DOC2A: variants seen among roughly 807,000 people sequenced by gnomAD.
DOC2A encodes double C2 domain alpha.
Under a neutral mutation model 40.6 loss-of-function variants are expected in DOC2A, and 28 were observed. That is an observed-to-expected ratio of 0.69 (90% CI 0.51 to 0.95). The LOEUF is 0.95. Ranked by LOEUF, DOC2A falls within the 40% of genes least tolerant of loss-of-function variation. The pLI is 0.00. For synonymous variants in DOC2A, 241 were observed against 236.9 expected (o/e 1.02, Z -0.16); for missense variants, 474 against 552.5 (o/e 0.86, Z 1.42).
At chr16:30,008,876 G>A (rs572619913) in intron 5 of DOC2A, 120 bp downstream of exon 5, 84 of 747,554 alleles carry the variant, frequency 1.1e-4, no homozygotes, top group South Asian at 6.4e-4. Flanking sequence ...CTAGGGAGCC[G>A]CTGATGGTTC....
upstream of DOC2A, chr16:30,023,103 G>A (rs2070937925): frequency 9.4e-6 from 4 of 426,908 alleles, no homozygotes; most frequent in South Asian, 6.6e-5. Flanking sequence ...CAGCAAGATG[G>A]CCGTGCCGCA....
Position 30,009,841 on chromosome 16 carries a change from C to T in DOC2A, c.262+120G>A, listed in dbSNP as rs1175003609. 3.5e-6 allele frequency: 4 copies of T among 1,154,700 alleles called. No homozygotes were observed. Among genetic ancestry groups the T allele is most frequent in the Non-Finnish European group, 5.1e-6 (4 of 786,102 alleles). The allele number at this position is 1,154,700 out of a possible 1,614,324, so 71.5% of individuals were successfully genotyped here. ...CTGTGGTGGCCGTCCCTGCCACCCC[C>T]CCACTGCCCTCCTCCCCTACCTACA... is the stretch of plus-strand genomic sequence containing the variant. On this transcript the variant is annotated intron_variant, in intron 2 of 10. Transcript: ENST00000350119. The surrounding 1 kb of genome is among the most constrained non-coding windows in gnomAD (Gnocchi z 4.1).
chr16:30,009,892 C>G lies in DOC2A; in HGVS notation c.262+69G>C. 1.9e-6 allele frequency: 3 copies of G among 1,597,312 alleles called. No individual in the cohort carries two copies. Among genetic ancestry groups the G allele is most frequent in the Non-Finnish European group, 2.6e-6 (3 of 1,168,540 alleles). ...TGCACAGCCAGCAGGGCCCATCCCC[C>G]TCTCCCCCCACCACGGCAAGCCTGG... On this transcript the variant is annotated intron_variant, in intron 2 of 10. Transcript: ENST00000350119. The surrounding 1 kb of genome is among the most constrained non-coding windows in gnomAD (Gnocchi z 4.1).
At position 30,010,497 on chromosome 16, in the gene DOC2A, G is replaced by A; in HGVS notation, c.-13-262C>T. 1 of 566,880 alleles carries A rather than the reference G, an allele frequency of 1.8e-6. No individual in the cohort carries two copies. The highest frequency in any genetic ancestry group is 3.0e-5 in the East Asian group (1 of 33,156). 35.1% of individuals were successfully genotyped at this position (566,880 alleles called of 1,614,324 possible). Reference sequence around the variant, plus strand: ...CCCCGTCCTCACCCACCCACTTCTAGGTTGTCCCTGTATCATCTTGCCAGC... The same window carrying A: ...CCCCGTCCTCACCCACCCACTTCTAAGTTGTCCCTGTATCATCTTGCCAGC... On this transcript the variant is annotated intron_variant, in intron 1 of 10. Transcript: ENST00000350119. The surrounding 1 kb of genome is among the most constrained non-coding windows in gnomAD (Gnocchi z 4.2).
At chr16:30,012,992 AAAAC>A (rs555014803), upstream of DOC2A, among the ~76,000 whole-genome samples, 358 of 151,702 alleles carry the variant, frequency 2.4e-3, 4 homozygotes, top group East Asian at 7.0e-3. Flanking sequence ...ACTCAGTCTC[AAAAC>A]AAACAAACAA....
At position 30,010,500 on chromosome 16, in the gene DOC2A, T is replaced by A. The variant is rs1318679654; in HGVS notation, c.-13-265A>T. The stretch of plus-strand genomic sequence containing the variant: ...CGTCCTCACCCACCCACTTCTAGGT[T>A]GTCCCTGTATCATCTTGCCAGCTCC... On this transcript the variant is annotated intron_variant, in intron 1 of 10. Transcript: ENST00000350119. This position sits in a 1 kb window ranked among gnomAD's most constrained non-coding sequence, Gnocchi z 4.2. 4 of 558,402 alleles carry A rather than the reference T, an allele frequency of 7.2e-6. No individual in the cohort carries two copies. Among genetic ancestry groups the A allele is most frequent in the Admixed American group, 3.0e-5 (1 of 33,074 alleles). The allele number at this position is 558,402 out of a possible 1,614,324, so 34.6% of individuals were successfully genotyped here.
At chr16:30,017,156 GT>G (rs1227593735), upstream of DOC2A, among the ~76,000 whole-genome samples, 2 of 151,990 alleles carry the variant, frequency 1.3e-5, no homozygotes, top group Non-Finnish European at 2.9e-5. Flanking sequence ...GTGTGCACTT[GT>G]AGTCCCAGCT....
At position 30,009,468 on chromosome 16, in the gene DOC2A, G is replaced by A. The variant is rs1351141708; in HGVS notation, c.342+10C>T. 1 of 1,551,238 alleles carries A rather than the reference G, an allele frequency of 6.4e-7. No homozygotes were observed. Among genetic ancestry groups the A allele is most frequent in the Non-Finnish European group, 8.7e-7 (1 of 1,146,848 alleles). On this transcript the variant is annotated intron_variant, in intron 3 of 10. Coordinates refer to ENST00000350119, the MANE Select transcript of DOC2A (RefSeq NM_003586.3). This position sits in a 1 kb window ranked among gnomAD's most constrained non-coding sequence, Gnocchi z 4.1. Reference sequence around the variant, plus strand: ...ACCGGGCCCGGGCTTGGGTGGCAGGGAGTGCCCACCTTGGCCCTGAGGATG... The same window carrying A: ...ACCGGGCCCGGGCTTGGGTGGCAGGAAGTGCCCACCTTGGCCCTGAGGATG...
At position 30,010,991 on chromosome 16, in the gene DOC2A, T is replaced by C. The variant is rs2070763597; in HGVS notation, c.-102A>G. The C allele has an allele frequency of 3.0e-6, 3 of 995,698 alleles. No homozygotes were observed. The highest frequency in any genetic ancestry group is 4.0e-5 in the South Asian group (1 of 24,940). The allele number at this position is 995,698 out of a possible 1,614,324, so 61.7% of individuals were successfully genotyped here. On this transcript the variant is annotated 5_prime_UTR_variant, in exon 1 of 11. Coordinates refer to ENST00000350119, the MANE Select transcript of DOC2A (RefSeq NM_003586.3). This position sits in a 1 kb window ranked among gnomAD's most constrained non-coding sequence, Gnocchi z 4.2. ...CGGCGAGGAGAGCGCGGAGTCGAGC[T>C]GTGCGAGCCGAGAGGGAGGGAGCGC...
Position 30,006,618 on chromosome 16 carries a change from G to C in DOC2A, c.938C>G (p.Thr313Ser). Residue 313 changes from threonine (T) to serine (S), a missense_variant, in exon 9 of 11, where the codon ACT becomes AGT. Physicochemically the swap from Thr to Ser is moderately conservative, Grantham distance 58. Coordinates refer to ENST00000350119, the MANE Select transcript of DOC2A (RefSeq NM_003586.3). This position sits in a 1 kb window ranked among gnomAD's most constrained non-coding sequence, Gnocchi z 6.2. ...SKHKTCVKKK[T>S]LNPEFNEEFF... The stretch of plus-strand genomic sequence containing the variant: ...TACCTCGTTAAATTCTGGGTTGAGA[G>C]TCTTCTTCTTCACACACGTCTTATG... The C allele has an allele frequency of 6.2e-7, 1 of 1,613,686 alleles. No individual in the cohort carries two copies. The highest frequency in any genetic ancestry group is 8.5e-7 in the Non-Finnish European group (1 of 1,179,934).
Position 30,010,504 on chromosome 16 carries a change from C to T in DOC2A, c.-13-269G>A, listed in dbSNP as rs980224653. On this transcript the variant is annotated intron_variant, in intron 1 of 10. Coordinates refer to ENST00000350119, the MANE Select transcript of DOC2A (RefSeq NM_003586.3). The surrounding 1 kb of genome is among the most constrained non-coding windows in gnomAD (Gnocchi z 4.2). ...CTCACCCACCCACTTCTAGGTTGTC[C>T]CTGTATCATCTTGCCAGCTCCTTCC... is the stretch of plus-strand genomic sequence containing the variant. 121 of 552,886 alleles carry T rather than the reference C, an allele frequency of 2.2e-4. No homozygotes were observed. In the East Asian group the frequency reaches 3.6e-3, roughly 16 times the overall value. 34.2% of individuals were successfully genotyped at this position (552,886 alleles called of 1,614,324 possible).
At position 30,005,680 on chromosome 16, in the gene DOC2A, C is replaced by G; in HGVS notation, c.*506G>C. The G allele has an allele frequency of 1.8e-6, 1 of 556,044 alleles. No homozygotes were observed. Among genetic ancestry groups the G allele is most frequent in the South Asian group, 2.4e-5 (1 of 41,996 alleles). 34.4% of individuals were successfully genotyped at this position (556,044 alleles called of 1,614,324 possible). A position where few individuals can be genotyped will look rare whatever the true frequency, so the allele number is the denominator to read the frequency against. On this transcript the variant is annotated 3_prime_UTR_variant, in exon 11 of 11. Transcript: ENST00000350119. Reference sequence around the variant, plus strand: ...TATTTAAACGAGTGGCCGGGAGCATCTGCCACCTGCTGGGGAGGCAGAGAC... The same window carrying G: ...TATTTAAACGAGTGGCCGGGAGCATGTGCCACCTGCTGGGGAGGCAGAGAC...
In DOC2A at chr16:30,009,302, C is replaced by T. The variant is rs767687842; in HGVS notation, c.343-26G>A. On this transcript the variant is annotated intron_variant, in intron 3 of 10. Coordinates refer to ENST00000350119, the MANE Select transcript of DOC2A (RefSeq NM_003586.3). This position sits in a 1 kb window ranked among gnomAD's most constrained non-coding sequence, Gnocchi z 4.1. ...CTGGAGAGGAGGGCAGGGGAGAGGG[C>T]TAGAGGCTCCCGGCACCTCTCTCCA... The T allele has an allele frequency of 5.8e-6, 9 of 1,546,454 alleles. No homozygotes were observed. The Admixed American group carries it at 1.8e-4, about 30-fold the overall frequency.
Position 30,006,754 on chromosome 16 carries a change from TG to T in DOC2A, c.878+30del. 1 of 1,613,808 alleles carries T rather than the reference TG, an allele frequency of 6.2e-7. No homozygotes were observed. The highest frequency in any genetic ancestry group is 1.7e-5 in the Admixed American group (1 of 59,996). ...CCAACTCAGGCCAGGGCAGGCTCCC[TG>T]GGGAGGAGAGGGTCAGAGCAAGGGC... On this transcript the variant is annotated intron_variant, in intron 8 of 10. Coordinates refer to ENST00000350119, the MANE Select transcript of DOC2A (RefSeq NM_003586.3). This position sits in a 1 kb window ranked among gnomAD's most constrained non-coding sequence, Gnocchi z 6.2.
chr16:30,016,122 C>T (rs1362503816), upstream of DOC2A, among the ~76,000 whole-genome samples: 5 of 138,164 alleles, frequency 3.6e-5, no homozygotes, highest in Admixed American at 7.8e-5. Context: ...TGCAGTGGCA[C>T]GATCTTGGCT....
chr16:30,010,204 C>A lies in DOC2A; in HGVS notation c.19G>T (p.Asp7Tyr), dbSNP rs763993103. Residue 7 changes from aspartate to tyrosine, a missense_variant, in exon 2 of 11, where the codon GAT (aspartate) becomes TAT (tyrosine). Physicochemically the swap from Asp to Tyr is radical, Grantham distance 160 (BLOSUM62 -3). Transcript: ENST00000350119. This position sits in a 1 kb window ranked among gnomAD's most constrained non-coding sequence, Gnocchi z 4.2. ...TCCTGGATGTTGATGGTCATGCGAT[C>A]GCCCCTGCGGCCCCTCATGCAGCAC... is the stretch of plus-strand genomic sequence containing the variant. MRGRRG[D>Y]RMTINIQEHM... 5.0e-6 allele frequency: 8 copies of A among 1,613,924 alleles called. No homozygotes were observed. The highest frequency in any genetic ancestry group is 4.4e-5 in the South Asian group (4 of 91,084).
At chr16:30,012,093 G>A (rs1454178757), upstream of DOC2A, 1 of 152,506 alleles carries the variant, frequency 6.6e-6, no homozygotes, top group Non-Finnish European at 1.5e-5. Context: ...GACACGAAGG[G>A]GCTTATCACC....
At position 30,007,207 on chromosome 16, in the gene DOC2A, T is replaced by C. The variant is rs1169654140; in HGVS notation, c.620A>G (p.Lys207Arg). 6.2e-7 allele frequency: 1 copy of C among 1,614,026 alleles called. No individual in the cohort carries two copies. The highest frequency in any genetic ancestry group is 8.5e-7 in the Non-Finnish European group (1 of 1,180,000). Residue 207 changes from lysine (K) to arginine (R), a missense_variant, in exon 6 of 11, where the codon AAG (lysine) becomes AGG (arginine). Physicochemically the swap from Lys to Arg is conservative, Grantham distance 26 (BLOSUM62 2). Coordinates refer to ENST00000350119, the MANE Select transcript of DOC2A (RefSeq NM_003586.3). Reference sequence around the variant, plus strand: ...GCGCTCGAGGCAGATGTTAAAATGCTTCTTCTGCGAAGGCTTGAGGCGGCG... The same window carrying C: ...GCGCTCGAGGCAGATGTTAAAATGCCTCTTCTGCGAAGGCTTGAGGCGGCG... ...PLRRLKPSQKKHFNICLERQV... is the reference protein window; with the variant it reads ...PLRRLKPSQKRHFNICLERQV...
chr16:30,007,892 G>C (rs2070669283), intron 5 of DOC2A: 1 of 186,874 alleles, frequency 5.4e-6, no homozygotes. Flanking sequence ...CAAGTCACTT[G>C]ATCACCCTAT....
Sources: gnomAD v4.1 joint callset for allele counts (sites outside exome capture counted in the v4.1 genomes callset) on GRCh38, gnomAD v4.1.1 for gene constraint, Gnocchi (gnomAD v3.1) non-coding constraint, MANE v1.5 for transcripts, NCBI Gene and HGNC (gene_info 2026-07-23, HGNC 2026-07-21) for gene names.